PCDHA13: variants seen among roughly 807,000 people sequenced by gnomAD.
PCDHA13 encodes protocadherin alpha 13, also known as protocadherin alpha-13.
In PCDHA13, 54 loss-of-function variants were observed where a neutral mutation model predicts 64.8. The observed-to-expected ratio is 0.83, with a 90% CI of 0.67 to 1.04. PCDHA13 has a LOEUF of 1.04. Ranked by LOEUF, PCDHA13 falls within the 50% of genes least tolerant of loss-of-function variation. The pLI is 0.00. For missense variants in PCDHA13, 1,248 were observed against 1,254.3 expected, an observed-to-expected ratio of 0.99 and a Z score of 0.08; for synonymous variants, 587 against 564.4, an observed-to-expected ratio of 1.04 and a Z score of -0.57.
Position 140,882,138 on chromosome 5 carries a change from T to C in PCDHA13, c.-131T>C. ...GCCGTTTCTTTCTTCCTGCAGAAAATATAGCAGAAAGCGGAATACCTCTTG... is the reference window on the plus strand; with the variant it reads ...GCCGTTTCTTTCTTCCTGCAGAAAACATAGCAGAAAGCGGAATACCTCTTG... On this transcript the variant is annotated 5_prime_UTR_variant, in exon 1 of 4. Transcript: ENST00000289272. 1 of 1,489,248 alleles carries C rather than the reference T, an allele frequency of 6.7e-7. No homozygotes were observed. Among genetic ancestry groups the C allele is most frequent in the South Asian group, 1.4e-5 (1 of 71,522 alleles). The allele number at this position is 1,489,248 out of a possible 1,614,324, so 92.3% of individuals were successfully genotyped here.
At chr5:140,971,366 G>A (rs1554233245) in intron 1 of PCDHA13, among the ~76,000 whole-genome samples, 1 of 152,186 alleles carries the variant, frequency 6.6e-6, no homozygotes, top group Non-Finnish European at 1.5e-5. Flanking sequence ...TTTGCCAGGA[G>A]AGTGCATGAC....
chr5:140,994,892 G>A (rs1554254386), intron 3 of PCDHA13, among the ~76,000 whole-genome samples: 2 of 152,192 alleles, frequency 1.3e-5, no homozygotes, highest in Non-Finnish European at 2.9e-5. Flanking sequence ...TAGGAAATGA[G>A]ATCAGAAATG....
At chr5:140,925,959 T>A (rs1424415985) in intron 1 of PCDHA13, among the ~76,000 whole-genome samples, 5 of 151,912 alleles carry the variant, frequency 3.3e-5, no homozygotes, top group African/African-American at 4.8e-5. Flanking sequence ...GAAACTGCTA[T>A]CACGCAAAAA....
At chr5:140,897,762 A>G (rs572488219) in intron 1 of PCDHA13, among the ~76,000 whole-genome samples, 1 of 152,324 alleles carries the variant, frequency 6.6e-6, no homozygotes, top group East Asian at 1.9e-4. Flanking sequence ...AGGAATCGCC[A>G]CACTGACTTC....
At chr5:140,923,468 G>T (rs2081380588) in intron 1 of PCDHA13, among the ~76,000 whole-genome samples, 1 of 152,098 alleles carries the variant, frequency 6.6e-6, no homozygotes, top group African/African-American at 2.4e-5. Flanking sequence ...GGTAGGGGCT[G>T]CAGTGAGCCA....
chr5:140,994,558 A>G (rs1414971844), intron 3 of PCDHA13, among the ~76,000 whole-genome samples: 4 of 151,948 alleles, frequency 2.6e-5, no homozygotes, highest in Non-Finnish European at 5.9e-5. Context: ...TATAAAAATT[A>G]GCCGGGTGTG....
chr5:140,929,070 G>A lies in PCDHA13; in HGVS notation c.2394+44408G>A, dbSNP rs2085795989. 2.5e-6 allele frequency: 4 copies of A among 1,614,200 alleles called. No homozygotes were observed. The African/African-American group carries it at 5.3e-5, about 22-fold the overall frequency. ...GCTGTCGCTCTACAGAGGATCTGAG[G>A]TATGGAAGTAAGATGGTTTCAAATC... On this transcript the variant is annotated intron_variant, in intron 1 of 3. Coordinates refer to ENST00000289272, the MANE Select transcript of PCDHA13 (RefSeq NM_018904.3).
intron 1 of PCDHA13, chr5:140,929,159 A>C (rs781818133): frequency 1.2e-6 from 2 of 1,613,968 alleles, no homozygotes; most frequent in African/African-American, 1.3e-5. Context: ...ACTTATCTCT[A>C]TCGGGCCTCT....
At chr5:141,007,395 C>CAAAAAA (rs35800918) in intron 3 of PCDHA13, among the ~76,000 whole-genome samples, 36 of 94,826 alleles carry the variant, frequency 3.8e-4, no homozygotes, top group African/African-American at 6.0e-4. Context: ...TACTAAAATA[C>CAAAAAA]AAAAAAAAAA....
chr5:140,966,561 G>C (rs2153747879), intron 1 of PCDHA13: 1 of 488,962 alleles, frequency 2.0e-6, no homozygotes, highest in Non-Finnish European at 3.4e-6. Context: ...GGAGGAGCTG[G>C]AATATGGGGA....
rs2098414068 is a variant in PCDHA13 at position 141,009,729 on chromosome 5, G to T, written c.2645G>T (p.Gly882Val). The T allele has an allele frequency of 6.2e-7, 1 of 1,614,168 alleles. No homozygotes were observed. The highest frequency in any genetic ancestry group is 8.5e-7 in the Non-Finnish European group (1 of 1,180,028). ...GGCAACCCCAAACAATCCGGTCCCG[G>T]TGAGTTGCCCGACAAATTCATTATC... is the stretch of plus-strand genomic sequence containing the variant. ...GPGNPKQSGPGELPDKFIIPG... is the reference protein window; with the variant it reads ...GPGNPKQSGPVELPDKFIIPG... Residue 882 changes from glycine (G) to valine (V), a missense_variant, in exon 4 of 4, where the codon GGT becomes GTT. Transcript: ENST00000289272.
intron 1 of PCDHA13, among the ~76,000 whole-genome samples, chr5:140,909,950 C>T (rs940175754): frequency 1.3e-5 from 2 of 152,168 alleles, no homozygotes; most frequent in African/African-American, 4.8e-5. Flanking sequence ...GGTAAAAAGC[C>T]GTAGGTCTCC....
rs530453384 is a variant in PCDHA13, at chr5:140,891,358, GA to G, written c.2394+6697del. Among the ~76,000 whole-genome samples the G allele has an allele frequency of 3.0e-3, 462 of 152,158 alleles. 1 individual carries two copies. Among genetic ancestry groups the G allele is most frequent in the Non-Finnish European group, 4.7e-3 (320 of 67,992 alleles). On this transcript the variant is annotated intron_variant, in intron 1 of 3. Transcript: ENST00000289272. ...TGAGATTTTGGTGCATCCATCACCT[GA>G]GCAGTATACATTGCACCATATTTGC...
intron 1 of PCDHA13, chr5:140,927,901 GC>G (rs1423958386): frequency 3.1e-6 from 5 of 1,614,084 alleles, no homozygotes; most frequent in Non-Finnish European, 4.2e-6. Context: ...GAACGATCAT[GC>G]CCCCGAACTG....
In PCDHA13 at chr5:140,938,408, G is replaced by A. The variant is rs115039361; in HGVS notation, c.2395-40541G>A. Among the ~76,000 whole-genome samples, 826 of 151,992 alleles carry A rather than the reference G, an allele frequency of 5.4e-3. 3 individuals are homozygous for A. The highest frequency in any genetic ancestry group is 0.019 in the African/African-American group (797 of 41,474). ...TAATATGAAATACATTGTTTGATTG[G>A]GTTTATTTGCAAAAATCCTTTATCA... On this transcript the variant is annotated intron_variant, in intron 1 of 3. Coordinates refer to ENST00000289272, the MANE Select transcript of PCDHA13 (RefSeq NM_018904.3).
intron 3 of PCDHA13, among the ~76,000 whole-genome samples, chr5:141,002,176 G>C (rs1554258553): frequency 6.6e-6 from 1 of 152,242 alleles, no homozygotes; most frequent in Non-Finnish European, 1.5e-5. Context: ...GCAGGCTCCA[G>C]AGTGCTGTCT....
chr5:140,984,666 G>T (rs769681431), intron 3 of PCDHA13, among the ~76,000 whole-genome samples: 115 of 152,058 alleles, frequency 7.6e-4, no homozygotes, highest in Admixed American at 1.2e-3. Flanking sequence ...GTACTTTTAG[G>T]TTTTTAGGAC....
In PCDHA13 at chr5:140,884,177, C is replaced by G. The variant is rs1405519238; in HGVS notation, c.1909C>G (p.Leu637Val). 3 of 1,613,322 alleles carry G rather than the reference C, an allele frequency of 1.9e-6. No individual in the cohort carries two copies. The highest frequency in any genetic ancestry group is 1.1e-5 in the South Asian group (1 of 91,068). The change falls in exon 1 of 4, where the codon CTG (leucine) becomes GTG (valine). Residue 637 changes from leucine to valine, a missense_variant. Physicochemically the swap from Leu to Val is conservative, Grantham distance 32. Coordinates refer to ENST00000289272, the MANE Select transcript of PCDHA13 (RefSeq NM_018904.3). The stretch of plus-strand genomic sequence containing the variant: ...TGGCGAGATCAGCACGACGCGCCCT[C>G]TGGACGAGGTGGACGCGCCGCACCA... ...YTGEISTTRP[L>V]DEVDAPHHRL...
chr5:140,999,747 C>T (rs2097874058), intron 3 of PCDHA13, among the ~76,000 whole-genome samples: 1 of 152,008 alleles, frequency 6.6e-6, no homozygotes, highest in East Asian at 1.9e-4. Flanking sequence ...AATCTGGGTT[C>T]GCAGCACATG....
Sources: allele counts gnomAD v4.1 joint callset (sites outside exome capture counted in the v4.1 genomes callset), GRCh38; gene constraint gnomAD v4.1.1; transcripts MANE v1.5; gene names NCBI Gene and HGNC (gene_info 2026-07-23, HGNC 2026-07-21).